ATP13A1: variants seen among roughly 807,000 people sequenced by gnomAD.
ATP13A1 encodes ATPase 13A1, also known as endoplasmic reticulum transmembrane helix translocase.
A neutral mutation model predicts 134.8 loss-of-function variants in ATP13A1; 55 were observed. That is an observed-to-expected ratio of 0.41 (90% confidence interval 0.33 to 0.51). The LOEUF is 0.51. Ranked by LOEUF, ATP13A1 falls within the 20% of genes least tolerant of loss-of-function variation. ATP13A1 has a pLI of 0.29. For synonymous variants in ATP13A1, 775 were observed against 725.1 expected (o/e 1.07, Z -1.10); for missense variants, 1,389 against 1,652.8 (o/e 0.84, Z 2.77).
chr19:19,647,809 G>C lies in ATP13A1; in HGVS notation c.2633-50C>G, dbSNP rs751544705. 2.0e-6 allele frequency: 3 copies of C among 1,527,546 alleles called. No homozygotes were observed. In the East Asian group the frequency reaches 7.2e-5, roughly 36 times the overall value. 94.6% of individuals were successfully genotyped at this position (1,527,546 alleles called of 1,614,324 possible). On this transcript the variant is annotated intron_variant, in intron 19 of 25. Transcript: ENST00000357324. The surrounding 1 kb of genome is among the most constrained non-coding windows in gnomAD (Gnocchi z 4.8). ...CCGGAGGAGCAGGCTCCACGGAGGG[G>C]AAGATTGCTGGCTTCAGAGCCACTG...
intron 19 of ATP13A1, among the ~76,000 whole-genome samples, chr19:19,648,004 C>A (rs780178038): frequency 6.6e-6 from 1 of 152,302 alleles, no homozygotes; most frequent in South Asian, 2.1e-4. Flanking sequence ...AAAAAACACA[C>A]AACACGAGAT....
At chr19:19,654,836 A>G (rs981709131) in intron 12 of ATP13A1, 136 bp from the exon 13 acceptor site, 4 of 1,086,732 alleles carry the variant, frequency 3.7e-6, no homozygotes, top group Non-Finnish European at 5.2e-6. Flanking sequence ...CTGGGTCTTT[A>G]TGAGACCTGC....
Position 19,647,874 on chromosome 19 carries a change from C to G in ATP13A1, c.2633-115G>C, listed in dbSNP as rs1290692655. The G allele has an allele frequency of 1.5e-6, 2 of 1,304,786 alleles. No individual in the cohort carries two copies. Among genetic ancestry groups the G allele is most frequent in the Non-Finnish European group, 1.0e-6 (1 of 974,336 alleles). 80.8% of individuals were successfully genotyped at this position (1,304,786 alleles called of 1,614,324 possible). A position where few individuals can be genotyped will look rare whatever the true frequency, so the allele number is the denominator to read the frequency against. On this transcript the variant is annotated intron_variant, in intron 19 of 25. Coordinates refer to ENST00000357324, the MANE Select transcript of ATP13A1 (RefSeq NM_020410.3). The surrounding 1 kb of genome is among the most constrained non-coding windows in gnomAD (Gnocchi z 4.8). ...CAGCTGGCTCCCGTGAGGACAGTTC[C>G]CAGACTTCCCCATTTCACCTGACAC...
rs770864240 is a variant in ATP13A1, at chr19:19,645,997, C to G, written c.3249-12G>C. The G allele has an allele frequency of 1.1e-5, 18 of 1,610,080 alleles. No individual in the cohort carries two copies. The highest frequency in any genetic ancestry group is 1.7e-5 in the Admixed American group (1 of 59,972). The stretch of plus-strand genomic sequence containing the variant: ...CGAACTGCTCCTGCCTGCAAGGACA[C>G]ATGGGAGTCAGGGCCCCCTCTCCTG... On this transcript the variant is annotated splice_polypyrimidine_tract_variant and intron_variant, in intron 23 of 25. Transcript: ENST00000357324. The surrounding 1 kb of genome is among the most constrained non-coding windows in gnomAD (Gnocchi z 4.1).
intron 3 of ATP13A1, 118 bp from the exon 4 acceptor site, chr19:19,657,526 T>C: frequency 9.5e-7 from 1 of 1,052,478 alleles, no homozygotes; most frequent in Non-Finnish European, 1.3e-6. Context: ...AAGAGCCATA[T>C]GTGGGCGTCG....
chr19:19,654,300 C>T (rs982800874), intron 13 of ATP13A1, among the ~76,000 whole-genome samples, 156 bp from the exon 14 acceptor site: 2 of 152,144 alleles, frequency 1.3e-5, no homozygotes, highest in African/African-American at 4.8e-5. Context: ...AGCTGGAAGA[C>T]CTGGGCTTGG....
In ATP13A1 at chr19:19,645,328, G is replaced by T; in HGVS notation, c.*94C>A. ...AAGGGCGAGACTGTACAGCCTTGCT[G>T]TGGGGGGTTGGGGGCAGGGTTCCCT... On this transcript the variant is annotated 3_prime_UTR_variant, in exon 26 of 26. Transcript: ENST00000357324. This position sits in a 1 kb window ranked among gnomAD's most constrained non-coding sequence, Gnocchi z 4.1. 7.4e-7 allele frequency: 1 copy of T among 1,355,708 alleles called. No individual in the cohort carries two copies. Among genetic ancestry groups the T allele is most frequent in the Non-Finnish European group, 1.0e-6 (1 of 978,998 alleles). 84.0% of individuals were successfully genotyped at this position (1,355,708 alleles called of 1,614,324 possible).
In ATP13A1 at chr19:19,657,411, G is replaced by A. The variant is rs1458154068; in HGVS notation, c.678-3C>T. 1.3e-6 allele frequency: 2 copies of A among 1,563,374 alleles called. No homozygotes were observed. Among genetic ancestry groups the A allele is most frequent in the African/African-American group, 1.4e-5 (1 of 73,530 alleles). On this transcript the variant is annotated splice_polypyrimidine_tract_variant and splice_region_variant and intron_variant, in intron 3 of 25. Coordinates refer to ENST00000357324, the MANE Select transcript of ATP13A1 (RefSeq NM_020410.3). ...AGTCAGGCACCACCATCTCGGCCCT[G>A]CAAGAGACCAGGCCCCATCCTGTTC...
At chr19:19,663,155 C>A in intron 1 of ATP13A1, 116 bp downstream of exon 1, 2 of 1,452,436 alleles carry the variant, frequency 1.4e-6, no homozygotes, top group South Asian at 2.5e-5. Flanking sequence ...CCCTGGGAAT[C>A]CAGGCCAGGC....
rs1433518074 is a variant in ATP13A1, at chr19:19,653,808, C to G, written c.2076G>C (p.Glu692Asp). 1.9e-6 allele frequency: 3 copies of G among 1,554,636 alleles called. No individual in the cohort carries two copies. Among genetic ancestry groups the G allele is most frequent in the Non-Finnish European group, 2.6e-6 (3 of 1,148,984 alleles). ...CCTGCTGGTGAGTGAGGTGTCCCAG[C>G]TCCTTGTACCCCAGCGCCAGGACGC... ...GARVLALGYK[E>D]LGHLTHQQAR... is the part of the protein sequence containing the mutation. The change falls in exon 15 of 26, where the codon GAG becomes GAC. Residue 692 changes from glutamate (E) to aspartate (D), a missense_variant. Around this residue, in one of 4 missense-constraint regions of ATP13A1, gnomAD observed 747 missense variants for 956.1 expected, o/e 0.78. Coordinates refer to ENST00000357324, the MANE Select transcript of ATP13A1 (RefSeq NM_020410.3). The surrounding 1 kb of genome is among the most constrained non-coding windows in gnomAD (Gnocchi z 4.2).
At position 19,653,876 on chromosome 19, in the gene ATP13A1, C is replaced by G. The variant is rs1332320550; in HGVS notation, c.2008G>C (p.Asp670His). The part of the protein sequence containing the change: ...LHSMFSQCPP[D>H]YHHIHTEISR... ...ATCTCGGTGTGGATGTGGTGGTAGT[C>G]GGGCGGGCACTGGGAGAACTGCAGG... is the stretch of plus-strand genomic sequence containing the variant. Residue 670 changes from aspartate to histidine, a missense_variant, in exon 15 of 26, where the codon GAC (aspartate) becomes CAC (histidine). Asp to His is a moderately conservative substitution (Grantham distance 81, BLOSUM62 -1). Transcript: ENST00000357324. This position sits in a 1 kb window ranked among gnomAD's most constrained non-coding sequence, Gnocchi z 4.2. The G allele has an allele frequency of 6.4e-7, 1 of 1,566,790 alleles. No homozygotes were observed. The highest frequency in any genetic ancestry group is 1.2e-5 in the South Asian group (1 of 85,088).
Position 19,663,623 on chromosome 19 carries a change from G to A in ATP13A1, c.44C>T (p.Ala15Val). Residue 15 changes from alanine (A) to valine (V), a missense_variant, in exon 1 of 26, where the codon GCC (alanine) becomes GTC (valine). Ala to Val is a moderately conservative substitution (Grantham distance 64). Around this residue, in one of 4 missense-constraint regions of ATP13A1, gnomAD observed 293 missense variants for 270.8 expected, o/e 1.08. Transcript: ENST00000357324. ...GTCAGGCCGGACCCCGCAAGGCCGG[G>A]CCCCGCAGGGCACCGCGTTGCCCAC... ...AAVGNAVPCG[A>V]RPCGVRPDGQ... 4 of 1,350,622 alleles carry A rather than the reference G, an allele frequency of 3.0e-6. No individual in the cohort carries two copies. The highest frequency in any genetic ancestry group is 3.8e-6 in the Non-Finnish European group (4 of 1,056,892). The allele number at this position is 1,350,622 out of a possible 1,614,324, so 83.7% of individuals were successfully genotyped here.
In ATP13A1 at chr19:19,649,682, G is replaced by C. The variant is rs1295063671; in HGVS notation, c.2536-19C>G. 3 of 1,613,614 alleles carry C rather than the reference G, an allele frequency of 1.9e-6. No individual in the cohort carries two copies. Among genetic ancestry groups the C allele is most frequent in the Non-Finnish European group, 2.5e-6 (3 of 1,179,786 alleles). On this transcript the variant is annotated intron_variant, in intron 18 of 25. Transcript: ENST00000357324. ...CAAACTCCTGTATGGGCGGAGACAG[G>C]CTGAGCAGGGGCTGCGTGCCTACCG...
rs560830669 is a variant in ATP13A1, at chr19:19,647,803, G to C, written c.2633-44C>G. On this transcript the variant is annotated intron_variant, in intron 19 of 25. Coordinates refer to ENST00000357324, the MANE Select transcript of ATP13A1 (RefSeq NM_020410.3). This position sits in a 1 kb window ranked among gnomAD's most constrained non-coding sequence, Gnocchi z 4.8. ...TCAGACCCGGAGGAGCAGGCTCCAC[G>C]GAGGGGAAGATTGCTGGCTTCAGAG... 3.9e-6 allele frequency: 6 copies of C among 1,538,632 alleles called. No homozygotes were observed. In the South Asian group the frequency reaches 5.9e-5, roughly 15 times the overall value.
rs1484406293 is a variant in ATP13A1 at position 19,645,359 on chromosome 19, G to A, written c.*63C>T. On this transcript the variant is annotated 3_prime_UTR_variant, in exon 26 of 26. Transcript: ENST00000357324. The surrounding 1 kb of genome is among the most constrained non-coding windows in gnomAD (Gnocchi z 4.1). ...GGTTGGGGGCAGGGTTCCCTCCCGG[G>A]GCCCTGTTGGGGTTCCCGCCCAGCG... The A allele has an allele frequency of 6.6e-7, 1 of 1,518,506 alleles. No homozygotes were observed. Among genetic ancestry groups the A allele is most frequent in the South Asian group, 1.2e-5 (1 of 83,332 alleles). The allele number at this position is 1,518,506 out of a possible 1,614,324, so 94.1% of individuals were successfully genotyped here.
chr19:19,662,218 CCCT>C, intron 1 of ATP13A1: 1 of 1,526,230 alleles, frequency 6.6e-7, no homozygotes, highest in Non-Finnish European at 8.8e-7. Context: ...TTTATTTTGT[CCCT>C]CATTGGTGTC....
In ATP13A1 at chr19:19,655,771, T is replaced by G; in HGVS notation, c.1269+107A>C. The G allele has an allele frequency of 6.5e-7, 1 of 1,534,288 alleles. No homozygotes were observed. Among genetic ancestry groups the G allele is most frequent in the Non-Finnish European group, 8.8e-7 (1 of 1,138,954 alleles). The stretch of plus-strand genomic sequence containing the variant: ...GCACCCTGGCCCAGGTCCAGGGCCG[T>G]GCTGCCAGAGTCAGCCCGTGGGGCA... On this transcript the variant is annotated intron_variant, in intron 9 of 25. Transcript: ENST00000357324. The surrounding 1 kb of genome is among the most constrained non-coding windows in gnomAD (Gnocchi z 5.7).
chr19:19,662,293 T>C (rs535284183), intron 1 of ATP13A1: 12 of 985,452 alleles, frequency 1.2e-5, no homozygotes, highest in African/African-American at 5.2e-5. Flanking sequence ...ATAAGTCTTT[T>C]TGAAGGACAG....
Position 19,655,558 on chromosome 19 carries a change from T to G in ATP13A1, c.1366A>C (p.Ile456Leu), listed in dbSNP as rs753185720. 12 of 1,613,876 alleles carry G rather than the reference T, an allele frequency of 7.4e-6. No homozygotes were observed. Among genetic ancestry groups the G allele is most frequent in the Non-Finnish European group, 1.0e-5 (12 of 1,179,896 alleles). Reference protein sequence around the residue: ...IFILFLLVFAIAAAAYVWIEG... With the variant: ...IFILFLLVFALAAAAYVWIEG... ...ATCCATACATAGGCAGCTGCAGCGATGGCAAACACCAGGAGGAAGAGGATG... is the reference window on the plus strand; with the variant it reads ...ATCCATACATAGGCAGCTGCAGCGAGGGCAAACACCAGGAGGAAGAGGATG... Residue 456 changes from isoleucine to leucine, a missense_variant, in exon 10 of 26, where the codon ATC becomes CTC. Coordinates refer to ENST00000357324, the MANE Select transcript of ATP13A1 (RefSeq NM_020410.3). The surrounding 1 kb of genome is among the most constrained non-coding windows in gnomAD (Gnocchi z 5.7).
Sources: gnomAD v4.1 joint callset for allele counts (sites outside exome capture counted in the v4.1 genomes callset) on GRCh38, gnomAD v4.1.1 for gene constraint, gnomAD v4.1.1 regional missense constraint, Gnocchi (gnomAD v3.1) non-coding constraint, MANE v1.5 for transcripts, NCBI Gene and HGNC (gene_info 2026-07-23, HGNC 2026-07-21) for gene names.